Variants in DDX51 observed in about 807,000 individuals in gnomAD.
DDX51 encodes the protein ATP-dependent RNA helicase DDX51.
Under a neutral mutation model 74.6 loss-of-function variants are expected in DDX51, and 67 were observed. That is an observed-to-expected ratio of 0.90 (90% confidence interval 0.74 to 1.10). The LOEUF is 1.10. DDX51 is among the 50% of genes least tolerant of loss of function. The pLI, the probability that DDX51 is intolerant of heterozygous loss-of-function variation, is 0.00. For missense variants in DDX51, 1,056 were observed against 905.2 expected, an observed-to-expected ratio of 1.17 and a Z score of -2.14; for synonymous variants, 545 against 402.9, an observed-to-expected ratio of 1.35 and a Z score of -4.22.
Position 132,143,715 on chromosome 12 carries a change from C to G in DDX51, c.499G>C (p.Gly167Arg), listed in dbSNP as rs1020108418. The G allele has an allele frequency of 8.4e-6, 13 of 1,540,496 alleles. No homozygotes were observed. The highest frequency in any genetic ancestry group is 1.0e-5 in the Non-Finnish European group (12 of 1,145,120). Residue 167 changes from glycine (G) to arginine (R), a missense_variant, in exon 2 of 15, where the codon GGG becomes CGG. Physicochemically the swap from Gly to Arg is moderately radical, Grantham distance 125. Transcript: ENST00000397333. ...CTCACCTTCGGCGCCTTCCTCTTCC[C>G]GAACCCCCCCAGCACCAGGCCGGGG... Reference protein sequence around the residue: ...LVPGLVLGGFGKRKAPKVQPF... With the variant: ...LVPGLVLGGFRKRKAPKVQPF...
chr12:132,140,215 G>C lies in DDX51; in HGVS notation c.1674-16C>G. On this transcript the variant is annotated splice_polypyrimidine_tract_variant and intron_variant, in intron 11 of 14. Coordinates refer to ENST00000397333, the MANE Select transcript of DDX51 (RefSeq NM_175066.4). ...GCTGATGAGCCTGCCGGGACACGCA[G>C]CATTGTGGGCCCGACGTGCCAGGAG... 6.2e-7 allele frequency: 1 copy of C among 1,608,218 alleles called. No homozygotes were observed. The highest frequency in any genetic ancestry group is 8.5e-7 in the Non-Finnish European group (1 of 1,177,034).
At position 132,138,264 on chromosome 12, in the gene DDX51, C is replaced by G. The variant is rs1452741135; in HGVS notation, c.*1008G>C. The G allele has an allele frequency of 6.6e-6, 1 of 152,300 alleles. No homozygotes were observed. Among genetic ancestry groups the G allele is most frequent in the Non-Finnish European group, 1.5e-5 (1 of 68,102 alleles). The allele number at this position is 152,300 out of a possible 1,614,324, so 9.4% of individuals were successfully genotyped here. A position where few individuals can be genotyped will look rare whatever the true frequency, so the allele number is the denominator to read the frequency against. The stretch of plus-strand genomic sequence containing the variant: ...AGCTGTCTCCACGTGACCTTCCCAC[C>G]AGCAATATGTGAGGTGTCCACTGAA... On this transcript the variant is annotated 3_prime_UTR_variant, in exon 15 of 15. Coordinates refer to ENST00000397333, the MANE Select transcript of DDX51 (RefSeq NM_175066.4).
Position 132,141,325 on chromosome 12 carries a change from G to A in DDX51, c.1200C>T (p.Asp400=), listed in dbSNP as rs1593420220. 1 of 1,598,816 alleles carries A rather than the reference G, an allele frequency of 6.3e-7. No homozygotes were observed. The highest frequency in any genetic ancestry group is 2.2e-5 in the East Asian group (1 of 44,876). The change falls in exon 8 of 15, where the codon GAC becomes GAT. Residue 400 remains aspartate (D), a synonymous_variant. Coordinates refer to ENST00000397333, the MANE Select transcript of DDX51 (RefSeq NM_175066.4). ...GCCTTCGCTGGAGCAGGGCACAGGG[G>A]TCCGCGGGGTCCTCGCTCTGGAAGG... is the stretch of plus-strand genomic sequence containing the variant. ...AAAFQSEDPA[D]PCALLQRRQA...
chr12:132,141,157 G>A lies in DDX51; in HGVS notation c.1250+118C>T, dbSNP rs543622989. The A allele has an allele frequency of 9.1e-5, 135 of 1,491,142 alleles. No individual in the cohort carries two copies. The South Asian group carries it at 1.5e-3, about 16-fold the overall frequency. 92.4% of individuals were successfully genotyped at this position (1,491,142 alleles called of 1,614,324 possible). On this transcript the variant is annotated intron_variant, in intron 8 of 14. Transcript: ENST00000397333. ...GTGGGTCCAGCTCACGTGACAGTAC[G>A]ATGCGGTTCTGTGCACCAGAGCTCA...
At chr12:132,143,049 G>A (rs1230183299) in intron 2 of DDX51, 171 bp from the exon 3 acceptor site, 2 of 810,256 alleles carry the variant, frequency 2.5e-6, no homozygotes, top group African/African-American at 1.7e-5. Context: ...AACAGTAAAA[G>A]CAGATGCCAC....
rs199716931 is a variant in DDX51, at chr12:132,141,401, C to T, written c.1124G>A (p.Arg375Gln). Residue 375 changes from arginine to glutamine, a missense_variant, in exon 8 of 15, where the codon CGG (arginine) becomes CAG (glutamine). Transcript: ENST00000397333. ...LRFLIIDEAD[R>Q]MIDSMHQSWL... The stretch of plus-strand genomic sequence containing the variant: ...GGACTGATGCATGCTGTCAATCATC[C>T]GGTCAGCCTCGTCGATAATCTGCAG... 110 of 1,595,630 alleles carry T rather than the reference C, an allele frequency of 6.9e-5. 1 individual carries two copies. Among genetic ancestry groups the T allele is most frequent in the Middle Eastern group, 1.6e-4 (1 of 6,062 alleles).
At position 132,144,257 on chromosome 12, in the gene DDX51, C is replaced by T; in HGVS notation, c.40G>A (p.Ala14Thr). The T allele has an allele frequency of 8.1e-7, 1 of 1,240,466 alleles. No individual in the cohort carries two copies. Among genetic ancestry groups the T allele is most frequent in the Non-Finnish European group, 1.0e-6 (1 of 992,702 alleles). 76.8% of individuals were successfully genotyped at this position (1,240,466 alleles called of 1,614,324 possible). The change falls in exon 1 of 15, where the codon GCG becomes ACG. Residue 14 changes from alanine (A) to threonine (T), a missense_variant. By Grantham distance (58) the Ala-to-Thr change is moderately conservative. Transcript: ENST00000397333. ...FYVARYPGPD[A>T]AAAAGPEGAE... ...CCCTCCGGCCCCGCCGCAGCTGCCG[C>T]ATCGGGGCCCGGGTACCGCGCGACG...
chr12:132,143,954 C>T (rs1286611323), intron 1 of DDX51, 39 bp downstream of exon 1: 1 of 1,468,366 alleles, frequency 6.8e-7, no homozygotes, highest in African/African-American at 1.5e-5. Flanking sequence ...CACCGAGTCG[C>T]CGGCGCCCCA....
rs189746991 is a variant in DDX51, at chr12:132,139,985, G to C, written c.1776-61C>G. 45 of 1,610,336 alleles carry C rather than the reference G, an allele frequency of 2.8e-5. No homozygotes were observed. In the African/African-American group the frequency reaches 4.4e-4, roughly 16 times the overall value. On this transcript the variant is annotated intron_variant, in intron 12 of 14. Coordinates refer to ENST00000397333, the MANE Select transcript of DDX51 (RefSeq NM_175066.4). ...TGAGCCTTCAAGAGTCTGACGGAAC[G>C]ACAGCTTCTCTCCACACCAACCCCA...
chr12:132,140,229 A>G, intron 11 of DDX51, 30 bp from the exon 12 acceptor site: 2 of 1,602,772 alleles, frequency 1.2e-6, no homozygotes, highest in African/African-American at 2.7e-5. Flanking sequence ...TGTGGGCCCG[A>G]CGTGCCAGGA....
rs374349303 is a variant in DDX51 at position 132,142,340 on chromosome 12, G to A, written c.753C>T (p.Asp251=). 6.2e-6 allele frequency: 10 copies of A among 1,613,066 alleles called. No homozygotes were observed. The highest frequency in any genetic ancestry group is 1.7e-5 in the Admixed American group (1 of 60,020). The part of the protein sequence containing the change: ...LVGRGGYRPS[D]LCVSAPTGSG... ...TGCCTGTTGGGGCAGAAACACAGAG[G>A]TCGCTAGGCCGGTAGCCACCTCTGC... The change falls in exon 4 of 15, where the codon GAC becomes GAT. Residue 251 remains aspartate, a synonymous_variant. Transcript: ENST00000397333.
intron 8 of DDX51, 48 bp from the exon 9 acceptor site, chr12:132,141,068 A>T (rs1367086641): frequency 6.5e-7 from 1 of 1,549,974 alleles, no homozygotes; most frequent in South Asian, 1.2e-5. Context: ...GGCTGCCCCG[A>T]ACCTCCAGGG....
chr12:132,140,358 C>T, intron 11 of DDX51, 65 bp downstream of exon 11: 3 of 1,590,430 alleles, frequency 1.9e-6, no homozygotes, highest in Non-Finnish European at 2.6e-6. Flanking sequence ...TTTAGAGAGC[C>T]CCAGGCTGAC....
At chr12:132,143,930 C>T (rs1215541591) in intron 1 of DDX51, 21 bp from the exon 2 acceptor site, 2 of 1,510,652 alleles carry the variant, frequency 1.3e-6, no homozygotes, top group Non-Finnish European at 1.8e-6. Flanking sequence ...GACACCCACC[C>T]GGCAGCGCGT....
At chr12:132,141,470 A>C (rs1209384993) in intron 7 of DDX51, 28 bp downstream of exon 7, 2 of 1,580,528 alleles carry the variant, frequency 1.3e-6, no homozygotes, top group Non-Finnish European at 1.7e-6. Context: ...CTGAGCTCAA[A>C]GCCCAGGCCC....
intron 10 of DDX51, 22 bp downstream of exon 10, chr12:132,140,598 C>T (rs765343304): frequency 1.9e-6 from 3 of 1,612,838 alleles, no homozygotes; most frequent in South Asian, 1.1e-5. Context: ...CCTCTGCCAC[C>T]CCCGCCCAGC....
At chr12:132,143,228 G>A (rs1288810062) in intron 2 of DDX51, 6 of 409,732 alleles carry the variant, frequency 1.5e-5, no homozygotes, top group East Asian at 5.8e-5. Context: ...CTGGCTTCAA[G>A]TCTTTGCATC....
rs966088383 is a variant in DDX51, at chr12:132,141,926, C to T, written c.919G>A (p.Ala307Thr). The change falls in exon 6 of 15, where the codon GCC (alanine) becomes ACC (threonine). Residue 307 changes from alanine (A) to threonine (T), a missense_variant. Physicochemically the swap from Ala to Thr is moderately conservative, Grantham distance 58 (BLOSUM62 0). Transcript: ENST00000397333. The stretch of plus-strand genomic sequence containing the variant: ...ACCAGGGAGACTCTCAGAGGTGTGG[C>T]ATCTGTGTAGATGTTGAAAACTTTG... The part of the protein sequence containing the change: ...VSKVFNIYTD[A>T]TPLRVSLVTG... The T allele has an allele frequency of 2.5e-6, 4 of 1,613,100 alleles. No homozygotes were observed. Among genetic ancestry groups the T allele is most frequent in the Non-Finnish European group, 3.4e-6 (4 of 1,180,018 alleles).
chr12:132,140,753 G>T lies in DDX51; in HGVS notation c.1441-18C>A. On this transcript the variant is annotated intron_variant, in intron 9 of 14. Coordinates refer to ENST00000397333, the MANE Select transcript of DDX51 (RefSeq NM_175066.4). ...TAGTGGTGCTACAGGGACGGCAGGGGGTCGGGGTGGAGGTGAGGGTTGGTT... is the reference window on the plus strand; with the variant it reads ...TAGTGGTGCTACAGGGACGGCAGGGTGTCGGGGTGGAGGTGAGGGTTGGTT... The T allele has an allele frequency of 1.2e-6, 2 of 1,613,022 alleles. No homozygotes were observed. Among genetic ancestry groups the T allele is most frequent in the Non-Finnish European group, 1.7e-6 (2 of 1,179,986 alleles).
Sources: gnomAD v4.1 joint callset for allele counts on GRCh38, gnomAD v4.1.1 for gene constraint, MANE v1.5 for transcripts, NCBI Gene and HGNC (gene_info 2026-07-23, HGNC 2026-07-21) for gene names.